Variants in TNFAIP8 observed in about 807,000 individuals in gnomAD.
TNFAIP8 encodes TNF alpha induced protein 8.
TNFAIP8 carries 7 observed loss-of-function variants against 13.3 expected under a neutral mutation model. The observed-to-expected ratio is 0.52, with a 90% CI of 0.30 to 0.99. The LOEUF is 0.99. Ranked by LOEUF, TNFAIP8 falls within the 50% of genes least tolerant of loss-of-function variation. The pLI, the probability that TNFAIP8 is intolerant of heterozygous loss-of-function variation, is 0.07. For synonymous variants in TNFAIP8, 94 were observed against 87.6 expected (o/e 1.07, Z -0.41); for missense variants, 258 against 236.9 (o/e 1.09, Z -0.58).
upstream of TNFAIP8, chr5:119,355,351 ACTG>A: frequency 1.4e-6 from 1 of 702,410 alleles, no homozygotes; most frequent in East Asian, 2.7e-5. Flanking sequence ...CCGGGGCTAT[ACTG>A]AATGAGTAAG....
At chr5:119,278,351 G>A (rs1426906563) in intron 1 of TNFAIP8, among the ~76,000 whole-genome samples, 1 of 122,340 alleles carries the variant, frequency 8.2e-6, no homozygotes, top group Non-Finnish European at 1.6e-5. Context: ...GACAGGAAGG[G>A]GGAGAGAGAG....
intron 1 of TNFAIP8, among the ~76,000 whole-genome samples, chr5:119,337,955 C>T (rs1750607762): frequency 6.6e-6 from 1 of 152,192 alleles, no homozygotes; most frequent in African/African-American, 2.4e-5. Flanking sequence ...ACTTTGAGCA[C>T]ATTCTAAGAC....
In TNFAIP8 at chr5:119,379,739, C is replaced by T. The variant is rs1752416051; in HGVS notation, c.32-13077C>T. Among the ~76,000 whole-genome samples the T allele has an allele frequency of 2.0e-5, 3 of 152,198 alleles. No homozygotes were observed. In the South Asian group the frequency reaches 6.2e-4, roughly 32 times the overall value. On this transcript the variant is annotated intron_variant, in intron 1 of 1. Transcript: ENST00000504771. The stretch of plus-strand genomic sequence containing the variant: ...TTGAGTAGCTGGGACCATAAGCATA[C>T]ACCACAACACCTGGGTAATTTTTTT...
upstream of TNFAIP8, chr5:119,355,160 C>T (rs1751336042): frequency 3.2e-6 from 2 of 628,874 alleles, no homozygotes; most frequent in Admixed American, 2.4e-5. Flanking sequence ...TGAAGGCTGT[C>T]CGGCTTCTTT....
intron 1 of TNFAIP8, among the ~76,000 whole-genome samples, chr5:119,295,631 A>G (rs1749152975): frequency 3.9e-5 from 6 of 152,060 alleles, no homozygotes; most frequent in Admixed American, 3.9e-4. Context: ...TTGGTTCCAT[A>G]TGAACTTTAA....
At chr5:119,329,145 C>A (rs573548632) in intron 1 of TNFAIP8, among the ~76,000 whole-genome samples, 1 of 152,332 alleles carries the variant, frequency 6.6e-6, no homozygotes, top group South Asian at 2.1e-4. Context: ...TTTCAGCCTC[C>A]TTGGATGGCC....
chr5:119,324,500 A>G (rs1301050746), intron 1 of TNFAIP8, among the ~76,000 whole-genome samples: 8 of 152,046 alleles, frequency 5.3e-5, no homozygotes, highest in African/African-American at 1.9e-4. Context: ...TTCCTGCCCC[A>G]AGTTCTAGGG....
At chr5:119,303,169 A>AC (rs1164868724) in intron 1 of TNFAIP8, among the ~76,000 whole-genome samples, 2 of 152,148 alleles carry the variant, frequency 1.3e-5, no homozygotes, top group African/African-American at 4.8e-5. Context: ...AGCCAGTGTA[A>AC]ACATTCCAAT....
chr5:119,280,159 A>G (rs1293731004), intron 1 of TNFAIP8, among the ~76,000 whole-genome samples: 2 of 152,226 alleles, frequency 1.3e-5, no homozygotes, highest in African/African-American at 2.4e-5. Flanking sequence ...AGGTCAAGAA[A>G]TAGAACTTTG....
chr5:119,286,012 G>T (rs1472762645), intron 1 of TNFAIP8, among the ~76,000 whole-genome samples: 1 of 152,136 alleles, frequency 6.6e-6, no homozygotes, highest in Admixed American at 6.5e-5. Flanking sequence ...GTAGAACTAT[G>T]AGTTGAAAGA....
intron 1 of TNFAIP8, among the ~76,000 whole-genome samples, chr5:119,376,095 A>G (rs977803486): frequency 6.6e-6 from 1 of 151,982 alleles, no homozygotes; most frequent in Admixed American, 6.6e-5. Context: ...ATGAAAAAAT[A>G]TATATAAACT....
At chr5:119,358,547 T>C (rs77850120) in intron 1 of TNFAIP8, among the ~76,000 whole-genome samples, 8 of 152,162 alleles carry the variant, frequency 5.3e-5, no homozygotes, top group African/African-American at 1.9e-4. Context: ...TGAATGAGTT[T>C]AAATTATTCA....
chr5:119,307,055 C>T (rs1380988602), intron 1 of TNFAIP8, among the ~76,000 whole-genome samples: 1 of 152,144 alleles, frequency 6.6e-6, no homozygotes, highest in Non-Finnish European at 1.5e-5. Context: ...AAATGATGTA[C>T]ATTTTATAGT....
rs113115500 is a variant in TNFAIP8, at chr5:119,396,633, GT to G, written c.*3254del. 0.12 allele frequency: 17,922 copies of G among 152,114 alleles called. 1,671 individuals carry two copies. The highest frequency in any genetic ancestry group is 0.27 in the African/African-American group (11,378 of 41,430). The allele number at this position is 152,114 out of a possible 1,614,324, so 9.4% of individuals were successfully genotyped here. ...TTGGAGGCTCAAAATATTTGAGCAAGTTAAGTTAAGAAATAGCCTTTTTCTG... is the reference window on the plus strand; with the variant it reads ...TTGGAGGCTCAAAATATTTGAGCAAGTAAGTTAAGAAATAGCCTTTTTCTG... On this transcript the variant is annotated 3_prime_UTR_variant, in exon 2 of 2. Coordinates refer to ENST00000504771, the MANE Select transcript of TNFAIP8 (RefSeq NM_014350.4).
intron 1 of TNFAIP8, among the ~76,000 whole-genome samples, chr5:119,347,301 A>G (rs535756382): frequency 3.2e-4 from 48 of 152,302 alleles, no homozygotes; most frequent in Non-Finnish European, 5.9e-4. Flanking sequence ...TAGCCAATGT[A>G]CCCATTTAGA....
intron 1 of TNFAIP8, among the ~76,000 whole-genome samples, chr5:119,316,992 C>G (rs1224233537): frequency 2.6e-5 from 4 of 152,152 alleles, no homozygotes; most frequent in African/African-American, 9.7e-5. Flanking sequence ...AAACAATGTT[C>G]TAGAAAAATC....
At chr5:119,367,480 G>A (rs1397998490) in intron 1 of TNFAIP8, among the ~76,000 whole-genome samples, 1 of 152,130 alleles carries the variant, frequency 6.6e-6, no homozygotes, top group Non-Finnish European at 1.5e-5. Context: ...GAGTAATATT[G>A]TCTGTTGTTT....
At position 119,349,144 on chromosome 5, in the gene TNFAIP8, T is replaced by G. The variant is rs531415142; in HGVS notation, c.2-43672T>G. On this transcript the variant is annotated intron_variant, in intron 1 of 1. Transcript: ENST00000274456. Reference sequence around the variant, plus strand: ...ATTCACCTGAGCACAGGAAAGAAATTCAGCCCTTTTGTTTTCCTTTTCCAT... The same window carrying G: ...ATTCACCTGAGCACAGGAAAGAAATGCAGCCCTTTTGTTTTCCTTTTCCAT... Among the ~76,000 whole-genome samples, 29 of 152,256 alleles carry G rather than the reference T, an allele frequency of 1.9e-4. No individual in the cohort carries two copies. In the East Asian group the frequency reaches 5.2e-3, roughly 27 times the overall value.
rs1753031171 is a variant in TNFAIP8, at chr5:119,394,659, T to C, written c.*1278T>C. 2 of 146,746 alleles carry C rather than the reference T, an allele frequency of 1.4e-5. No individual in the cohort carries two copies. Among genetic ancestry groups the C allele is most frequent in the Non-Finnish European group, 3.0e-5 (2 of 67,352 alleles). The allele number at this position is 146,746 out of a possible 1,614,324, so 9.1% of individuals were successfully genotyped here. On this transcript the variant is annotated 3_prime_UTR_variant, in exon 2 of 2. Coordinates refer to ENST00000504771, the MANE Select transcript of TNFAIP8 (RefSeq NM_014350.4). ...TCTCGCTCTGTTGTTTAGGCTAGAATGCAGTGGCATGATTTTGGCTCACTG... is the reference window on the plus strand; with the variant it reads ...TCTCGCTCTGTTGTTTAGGCTAGAACGCAGTGGCATGATTTTGGCTCACTG...
Sources: allele counts gnomAD v4.1 joint callset (sites outside exome capture counted in the v4.1 genomes callset), GRCh38; gene constraint gnomAD v4.1.1; transcripts MANE v1.5; gene names NCBI Gene and HGNC (gene_info 2026-07-23, HGNC 2026-07-21).